The following ADAMTS12 variants were observed in gnomAD, a reference collection of about 807,000 sequenced individuals.
The protein encoded by ADAMTS12 is ADAM metallopeptidase with thrombospondin type 1 motif 12.
In ADAMTS12, 118 loss-of-function variants were observed where a neutral mutation model predicts 167.8. The ratio of observed to expected loss-of-function variants is 0.70; its 90% CI spans 0.61 to 0.82. ADAMTS12 has a LOEUF of 0.82. Ranked by LOEUF, ADAMTS12 falls within the 40% of genes least tolerant of loss-of-function variation. ADAMTS12 has a pLI of 0.00. For missense variants in ADAMTS12, 1,916 were observed against 1,998.8 expected, an observed-to-expected ratio of 0.96 and a Z score of 0.79; for synonymous variants, 704 against 716.9, an observed-to-expected ratio of 0.98 and a Z score of 0.29.
intron 2 of ADAMTS12, among the ~76,000 whole-genome samples, chr5:33,759,450 T>C (rs577401439): frequency 6.6e-6 from 1 of 152,364 alleles, no homozygotes; most frequent in African/African-American, 2.4e-5. Flanking sequence ...CTCTGAGCCT[T>C]AGTTTCCTCA....
chr5:33,602,230 A>T (rs868651099), intron 16 of ADAMTS12, among the ~76,000 whole-genome samples: 15 of 152,236 alleles, frequency 9.9e-5, no homozygotes, highest in Non-Finnish European at 1.8e-4. Context: ...AGGGTAAAAA[A>T]TGGAACTAGG....
chr5:33,604,252 C>G (rs58981726), intron 16 of ADAMTS12, among the ~76,000 whole-genome samples: 1 of 152,218 alleles, frequency 6.6e-6, no homozygotes, highest in East Asian at 1.9e-4. Context: ...TAAAAATCAT[C>G]TGAAGGAGCA....
chr5:33,755,189 A>G (rs1745126080), intron 2 of ADAMTS12, among the ~76,000 whole-genome samples: 1 of 152,240 alleles, frequency 6.6e-6, no homozygotes, highest in Non-Finnish European at 1.5e-5. Context: ...ACGCACAAAC[A>G]CAAAAAGGCT....
intron 18 of ADAMTS12, among the ~76,000 whole-genome samples, chr5:33,585,467 A>G (rs1216640680): frequency 1.3e-5 from 2 of 152,230 alleles, no homozygotes; most frequent in Non-Finnish European, 2.9e-5. Flanking sequence ...TGTATAAACA[A>G]ACACACACAT....
intron 23 of ADAMTS12, among the ~76,000 whole-genome samples, chr5:33,533,418 T>C (rs1240858242): frequency 1.3e-5 from 2 of 152,168 alleles, no homozygotes; most frequent in Non-Finnish European, 2.9e-5. Flanking sequence ...CAAACTTTGA[T>C]GTGCACATGA....
Position 33,845,815 on chromosome 5 carries a change from T to C in ADAMTS12, c.489+35304A>G, listed in dbSNP as rs867003416. Among the ~76,000 whole-genome samples, 4 of 152,090 alleles carry C rather than the reference T, an allele frequency of 2.6e-5. No homozygotes were observed. In the South Asian group the frequency reaches 8.3e-4, roughly 32 times the overall value. ...GGCTATTTCTGCCAAAGATGCCATC[T>C]CTCCACTCATGGTGGAAAGCAAAGT... On this transcript the variant is annotated intron_variant, in intron 2 of 23. Coordinates refer to ENST00000504830, the MANE Select transcript of ADAMTS12 (RefSeq NM_030955.4).
chr5:33,561,952 C>T (rs1745768742), intron 19 of ADAMTS12, among the ~76,000 whole-genome samples: 2 of 152,148 alleles, frequency 1.3e-5, no homozygotes, highest in African/African-American at 2.4e-5. Flanking sequence ...CCATGACAAA[C>T]CTGAGTTGTA....
chr5:33,565,896 T>C (rs1457189118), intron 19 of ADAMTS12, among the ~76,000 whole-genome samples: 2 of 146,018 alleles, frequency 1.4e-5, no homozygotes, highest in Non-Finnish European at 2.9e-5. Flanking sequence ...TTAAATCAAT[T>C]AACATTTGTC....
At chr5:33,530,541 G>A (rs750124940) in intron 23 of ADAMTS12, among the ~76,000 whole-genome samples, 4 of 152,318 alleles carry the variant, frequency 2.6e-5, no homozygotes, top group East Asian at 3.9e-4. Context: ...CAGGTGGGGC[G>A]GCTCTTTGCC....
chr5:33,600,228 T>C (rs13171217), intron 16 of ADAMTS12, among the ~76,000 whole-genome samples: 76,278 of 151,936 alleles, frequency 0.5, 19,475 homozygotes, highest in South Asian at 0.62. Flanking sequence ...GCAACCAGAA[T>C]GTTGCCATGC....
chr5:33,674,032 C>T (rs1248540622), intron 5 of ADAMTS12, among the ~76,000 whole-genome samples: 1 of 152,194 alleles, frequency 6.6e-6, no homozygotes, highest in Non-Finnish European at 1.5e-5. Context: ...TGTATGCCTG[C>T]TTTCCTCTTA....
intron 3 of ADAMTS12, among the ~76,000 whole-genome samples, chr5:33,737,302 A>G (rs1391478959): frequency 1.3e-5 from 2 of 152,190 alleles, no homozygotes; most frequent in East Asian, 3.9e-4. Context: ...CCCTTCCCTA[A>G]TTAAGTTTCC....
intron 16 of ADAMTS12, among the ~76,000 whole-genome samples, chr5:33,604,493 C>T (rs1481949779): frequency 7.2e-6 from 1 of 139,064 alleles, no homozygotes. Context: ...AAGACCAAAA[C>T]TCCATCTCAA....
chr5:33,857,006 C>T (rs1394787462), intron 2 of ADAMTS12, among the ~76,000 whole-genome samples: 1 of 152,150 alleles, frequency 6.6e-6, no homozygotes, highest in Admixed American at 6.5e-5. Flanking sequence ...CCTAAATGTC[C>T]ACTGACAGAC....
chr5:33,687,795 C>T (rs566396793), intron 3 of ADAMTS12, among the ~76,000 whole-genome samples: 12 of 152,126 alleles, frequency 7.9e-5, no homozygotes, highest in Non-Finnish European at 1.5e-4. Context: ...GTTTCTGCTA[C>T]GCAATTTCAG....
chr5:33,656,648 T>C (rs1302782011), intron 7 of ADAMTS12, among the ~76,000 whole-genome samples: 2 of 152,274 alleles, frequency 1.3e-5, no homozygotes, highest in Non-Finnish European at 1.5e-5. Flanking sequence ...ATGGCTTGAG[T>C]GATAACTTCT....
chr5:33,617,130 TTGAA>T (rs1739062214), intron 14 of ADAMTS12, among the ~76,000 whole-genome samples: 1 of 152,200 alleles, frequency 6.6e-6, no homozygotes, highest in Non-Finnish European at 1.5e-5. Flanking sequence ...CAGAAGGGGA[TTGAA>T]TGATGACGTC....
At chr5:33,730,287 A>G (rs369313064) in intron 3 of ADAMTS12, among the ~76,000 whole-genome samples, 1,503 of 65,566 alleles carry the variant, frequency 0.023, 24 homozygotes, top group African/African-American at 0.07. Flanking sequence ...AGAGTCCATT[A>G]GGGTGTGTGT....
chr5:33,791,995 C>CTTTT lies in ADAMTS12; in HGVS notation c.490-40451_490-40448dup, dbSNP rs746021718. On this transcript the variant is annotated intron_variant, in intron 2 of 23. Coordinates refer to ENST00000504830, the MANE Select transcript of ADAMTS12 (RefSeq NM_030955.4). Reference sequence around the variant, plus strand: ...GTCTTAGCTTAAACGTGCTTTCACACTTTTTTTTTTTTTTTTTTTTGAGAT... The same window carrying CTTTT: ...GTCTTAGCTTAAACGTGCTTTCACACTTTTTTTTTTTTTTTTTTTTTTTTGAGAT... 5.4e-4 allele frequency among the ~76,000 whole-genome samples: 64 copies of CTTTT among 119,352 alleles called. 1 individual carries two copies. Among genetic ancestry groups the CTTTT allele is most frequent in the African/African-American group, 2.0e-3 (60 of 29,860 alleles). The allele number at this position is 119,352 out of a possible 152,430, so 78.3% of individuals were successfully genotyped here.
Sources: allele counts gnomAD v4.1 joint callset (sites outside exome capture counted in the v4.1 genomes callset), GRCh38; gene constraint gnomAD v4.1.1; transcripts MANE v1.5; gene names NCBI Gene and HGNC (gene_info 2026-07-23, HGNC 2026-07-21).